TEX14: variants seen among roughly 807,000 people sequenced by gnomAD.
The protein encoded by TEX14 is testis expressed 14, intercellular bridge forming factor, also known as inactive serine/threonine-protein kinase TEX14.
Under a neutral mutation model 178.6 loss-of-function variants are expected in TEX14, and 168 were observed. The ratio of observed to expected loss-of-function variants is 0.94; its 90% CI spans 0.83 to 1.07. The LOEUF (loss-of-function observed/expected upper bound fraction) is 1.07. Among genes scored for constraint, TEX14 ranks in the 50% least tolerant of loss-of-function variants. TEX14 has a pLI of 0.00. For synonymous variants in TEX14, 626 were observed against 634.1 expected, an observed-to-expected ratio of 0.99 and a Z score of 0.19; for missense variants, 1,730 against 1,753.6, an observed-to-expected ratio of 0.99 and a Z score of 0.24.
At chr17:58,595,985 C>T (rs1598369402) in intron 14 of TEX14, among the ~76,000 whole-genome samples, 1 of 152,248 alleles carries the variant, frequency 6.6e-6, no homozygotes, top group South Asian at 2.1e-4. Context: ...GAGTTTGAGA[C>T]CAGCCTGGCC....
chr17:58,581,630 T>C, intron 19 of TEX14: 1 of 1,613,922 alleles, frequency 6.2e-7, no homozygotes, highest in Non-Finnish European at 8.5e-7. Context: ...TAAGTTTTCT[T>C]GAGCAGTCGA....
At chr17:58,621,848 G>A in intron 4 of TEX14, 62 bp from the exon 5 acceptor site, 1 of 1,536,558 alleles carries the variant, frequency 6.5e-7, no homozygotes, top group Non-Finnish European at 8.8e-7. Context: ...ATGGAAGCTT[G>A]GGTATGAAGA....
intron 15 of TEX14, among the ~76,000 whole-genome samples, chr17:58,592,455 C>T (rs2045172428): frequency 6.6e-6 from 1 of 152,044 alleles, no homozygotes; most frequent in African/African-American, 2.4e-5. Flanking sequence ...CTGCCTCAGC[C>T]TCCCGAGTAG....
chr17:58,662,956 A>T (rs145780568), intron 1 of TEX14, among the ~76,000 whole-genome samples: 1,678 of 151,898 alleles, frequency 0.011, 30 homozygotes, highest in African/African-American at 0.039. Flanking sequence ...AAGCACAAAA[A>T]AATTAGCCGG....
chr17:58,658,512 C>T (rs183354320), intron 1 of TEX14, among the ~76,000 whole-genome samples: 168 of 151,508 alleles, frequency 1.1e-3, no homozygotes, highest in Middle Eastern at 3.4e-3. Context: ...GCTTCAGCCT[C>T]CAAAGTAGCT....
At position 58,621,679 on chromosome 17, in the gene TEX14, G is replaced by A; in HGVS notation, c.525C>T (p.Ser175=). The A allele has an allele frequency of 2.5e-6, 4 of 1,614,098 alleles. No individual in the cohort carries two copies. The South Asian group carries it at 3.3e-5, about 13-fold the overall frequency. Residue 175 remains serine, a synonymous_variant, in exon 5 of 32, where the codon AGC becomes AGT. Coordinates refer to ENST00000349033, the MANE Select transcript of TEX14 (RefSeq NM_031272.5). ...KIDSPQRLVY[S]PSWCGGLVQG... is the part of the protein sequence containing the mutation. Reference sequence around the variant, plus strand: ...GCACGAGGCCCCCACACCAGGACGGGCTGTAGACAAGCCGCTGCGGGGAGT... The same window carrying A: ...GCACGAGGCCCCCACACCAGGACGGACTGTAGACAAGCCGCTGCGGGGAGT...
intron 3 of TEX14, among the ~76,000 whole-genome samples, chr17:58,627,379 T>G (rs1451785005): frequency 6.6e-6 from 1 of 152,152 alleles, no homozygotes; most frequent in South Asian, 2.1e-4. Flanking sequence ...TTATGTTTAC[T>G]GAACAGAATT....
intron 1 of TEX14, chr17:58,659,301 G>T: frequency 1.0e-6 from 1 of 971,108 alleles, no homozygotes; most frequent in South Asian, 4.8e-5. Flanking sequence ...CCGCCACAAA[G>T]ACATTATTTA....
At chr17:58,624,004 C>T (rs1023061413) in intron 3 of TEX14, among the ~76,000 whole-genome samples, 1 of 152,314 alleles carries the variant, frequency 6.6e-6, no homozygotes, top group East Asian at 1.9e-4. Context: ...ACTAAACAGG[C>T]CGGGTGTGGT....
At chr17:58,590,063 C>T (rs2045087844) in intron 15 of TEX14, among the ~76,000 whole-genome samples, 1 of 151,942 alleles carries the variant, frequency 6.6e-6, no homozygotes, top group Admixed American at 6.6e-5. Flanking sequence ...GAGATGGAGA[C>T]CATCCTGGAC....
In TEX14 at chr17:58,610,085, CTCT is replaced by C. The variant is rs1255442755; in HGVS notation, c.1184+1073_1184+1075del. 2.0e-5 allele frequency among the ~76,000 whole-genome samples: 3 copies of C among 152,330 alleles called. No individual in the cohort carries two copies. The East Asian group carries it at 5.8e-4, about 29-fold the overall frequency. On this transcript the variant is annotated intron_variant, in intron 10 of 31. Coordinates refer to ENST00000349033, the MANE Select transcript of TEX14 (RefSeq NM_031272.5). ...AGGAAGCGCAGGGGAGAGCCTCTGC[CTCT>C]CAAAGCTTGGGGGCTCTCAGGAAGA...
At chr17:58,679,689 A>G (rs773283204) in intron 1 of TEX14, 4 of 152,230 alleles carry the variant, frequency 2.6e-5, no homozygotes, top group Non-Finnish European at 5.9e-5. Flanking sequence ...CCAGTTAAGT[A>G]TGAGTCCCCA....
At position 58,599,654 on chromosome 17, in the gene TEX14, T is replaced by A. The variant is rs918743606; in HGVS notation, c.1691A>T (p.His564Leu). The A allele has an allele frequency of 6.2e-7, 1 of 1,608,302 alleles. No homozygotes were observed. The highest frequency in any genetic ancestry group is 1.3e-5 in the African/African-American group (1 of 74,418). ...IELKEMGSQPHSPRVHSLFTE... is the reference protein window; with the variant it reads ...IELKEMGSQPLSPRVHSLFTE... Reference sequence around the variant, plus strand: ...GAATAAAGAGTGAACCCTTGGTGAATGAGGTTGACTGCCTATTGAAAAAAA... The same window carrying A: ...GAATAAAGAGTGAACCCTTGGTGAAAGAGGTTGACTGCCTATTGAAAAAAA... Residue 564 changes from histidine to leucine, a missense_variant, in exon 14 of 32, where the codon CAT becomes CTT. Transcript: ENST00000349033.
At chr17:58,647,115 G>A (rs1205160275) in intron 2 of TEX14, among the ~76,000 whole-genome samples, 1 of 151,836 alleles carries the variant, frequency 6.6e-6, no homozygotes, top group Non-Finnish European at 1.5e-5. Context: ...GGCCAGGATG[G>A]TCTGGAACTC....
At chr17:58,691,181 A>G (rs1187579284) in intron 1 of TEX14, among the ~76,000 whole-genome samples, 2 of 152,014 alleles carry the variant, frequency 1.3e-5, no homozygotes, top group African/African-American at 4.8e-5. Flanking sequence ...ATCAGAATTG[A>G]TATTAAACTA....
chr17:58,616,208 G>C lies in TEX14; in HGVS notation c.734C>G (p.Ser245Cys). 1 of 1,613,912 alleles carries C rather than the reference G, an allele frequency of 6.2e-7. No individual in the cohort carries two copies. Among genetic ancestry groups the C allele is most frequent in the African/African-American group, 1.3e-5 (1 of 75,008 alleles). Residue 245 changes from serine to cysteine, a missense_variant, in exon 7 of 32, where the codon TCT becomes TGT. By Grantham distance (112) the Ser-to-Cys change is moderately radical. Around this residue, in one of 2 missense-constraint regions of TEX14, gnomAD observed 789 missense variants for 681.2 expected, o/e 1.16. Transcript: ENST00000349033. ...VIQADDEPTF[S>C]FFSGPYMVMT... ...GACCATGTAGGGGCCGCTGAAGAAA[G>C]AGAAGGTGGGCTCATCATCAGCTTG...
rs150602548 is a variant in TEX14, at chr17:58,640,644, T to TGAGAGA, written c.137-10096_137-10091dup. Among the ~76,000 whole-genome samples the TGAGAGA allele has an allele frequency of 1.1e-4, 16 of 147,142 alleles. 1 individual carries two copies. In the South Asian group the frequency reaches 1.1e-3, roughly 10 times the overall value. On this transcript the variant is annotated intron_variant, in intron 2 of 31. Coordinates refer to ENST00000349033, the MANE Select transcript of TEX14 (RefSeq NM_031272.5). ...GTGTGTGTGTGTGTGTGTGTGTGTG[T>TGAGAGA]GAGAGAGAGAGAGAGAATGATAAAT...
chr17:58,611,227 G>A lies in TEX14; in HGVS notation c.1118C>T (p.Ser373Phe). 6.2e-7 allele frequency: 1 copy of A among 1,613,918 alleles called. No individual in the cohort carries two copies. The highest frequency in any genetic ancestry group is 8.5e-7 in the Non-Finnish European group (1 of 1,179,852). ...TGGGGAGATGATATGGACAGCATAG[G>A]AGCTGAGGGAGCGGTGGATAAACCC... ...FQGFIHRSLS[S>F]YAVHIISPGE... The change falls in exon 10 of 32, where the codon TCC becomes TTC. Residue 373 changes from serine to phenylalanine, a missense_variant. By Grantham distance (155) the Ser-to-Phe change is radical. Transcript: ENST00000349033.
rs1231577983 is a variant in TEX14, at chr17:58,570,386, T to G, written c.3816A>C (p.Lys1272Asn). The G allele has an allele frequency of 6.6e-7, 1 of 1,509,446 alleles. No individual in the cohort carries two copies. The highest frequency in any genetic ancestry group is 2.7e-5 in the East Asian group (1 of 37,330). The allele number at this position is 1,509,446 out of a possible 1,614,324, so 93.5% of individuals were successfully genotyped here. A position where few individuals can be genotyped will look rare whatever the true frequency, so the allele number is the denominator to read the frequency against. Residue 1272 changes from lysine (K) to asparagine (N), a missense_variant and splice_region_variant, in exon 25 of 32, where the codon AAA becomes AAC. Physicochemically the swap from Lys to Asn is moderately conservative, Grantham distance 94. This residue lies in a region of TEX14 where 941 missense variants were observed against 1,072.4 expected (regional missense o/e 0.88). Transcript: ENST00000349033. ...ATTTTGATATTAAACACAGGGTACCTTTAGGCAGGCTCCTTCTCTGGGTGG... is the reference window on the plus strand; with the variant it reads ...ATTTTGATATTAAACACAGGGTACCGTTAGGCAGGCTCCTTCTCTGGGTGG... ...PHATQRRSLP[K>N]VEAFSQHHID...
Sources: allele counts gnomAD v4.1 joint callset (sites outside exome capture counted in the v4.1 genomes callset), GRCh38; gene constraint gnomAD v4.1.1; regional missense constraint gnomAD v4.1.1; transcripts MANE v1.5; gene names NCBI Gene and HGNC (gene_info 2026-07-23, HGNC 2026-07-21).